Variants in FHIT observed in about 807,000 individuals in gnomAD.
The protein encoded by FHIT is bis(5'-adenosyl)-triphosphatase.
In FHIT, 19 loss-of-function variants were observed where a neutral mutation model predicts 17.9. The observed-to-expected ratio is 1.06, with a 90% CI of 0.74 to 1.56. The LOEUF is 1.56. FHIT is among the 40% of genes most tolerant of loss of function. The probability of loss-of-function intolerance (pLI) is 0.00; values close to 1 mark genes in which losing one functional copy is unlikely to be tolerated. For synonymous variants in FHIT, 81 were observed against 69.7 expected (o/e 1.16, Z -0.81); for missense variants, 248 against 189.2 (o/e 1.31, Z -1.82).
chr3:60,344,804 C>T (rs1302618358), intron 5 of FHIT, among the ~76,000 whole-genome samples: 1 of 152,082 alleles, frequency 6.6e-6, no homozygotes, highest in Non-Finnish European at 1.5e-5. Flanking sequence ...GGTATCAAAT[C>T]AGTCCATCAC....
chr3:59,930,990 T>C (rs1235834074), intron 7 of FHIT, among the ~76,000 whole-genome samples: 2 of 152,202 alleles, frequency 1.3e-5, no homozygotes, highest in African/African-American at 2.4e-5. Flanking sequence ...ACCTATTCTT[T>C]TGACTGAGTC....
chr3:60,684,037 C>T (rs1161626037), intron 4 of FHIT, among the ~76,000 whole-genome samples: 2 of 152,118 alleles, frequency 1.3e-5, no homozygotes, highest in African/African-American at 4.8e-5. Flanking sequence ...CAGATGAGGG[C>T]ACTGAGATTC....
At chr3:60,840,044 A>C (rs1553744674) in intron 3 of FHIT, among the ~76,000 whole-genome samples, 1 of 151,958 alleles carries the variant, frequency 6.6e-6, no homozygotes, top group Non-Finnish European at 1.5e-5. Context: ...CTCCGTGAGG[A>C]GCTCTCTAGC....
intron 3 of FHIT, among the ~76,000 whole-genome samples, 169 bp downstream of exon 3, chr3:61,041,878 G>C (rs2033534810): frequency 6.6e-6 from 1 of 152,182 alleles, no homozygotes; most frequent in Non-Finnish European, 1.5e-5. Flanking sequence ...TGTAGTTCTT[G>C]AAAGTATAGT....
At chr3:60,441,760 A>ATT (rs2030856493) in intron 5 of FHIT, among the ~76,000 whole-genome samples, 2 of 73,452 alleles carry the variant, frequency 2.7e-5, no homozygotes, top group African/African-American at 4.8e-5. Context: ...ATATAAAAAT[A>ATT]TATATATATT....
At chr3:60,610,257 C>G (rs1229477828) in intron 4 of FHIT, among the ~76,000 whole-genome samples, 1 of 152,122 alleles carries the variant, frequency 6.6e-6, no homozygotes, top group African/African-American at 2.4e-5. Flanking sequence ...GATGTACCCA[C>G]CTTCATTTGC....
chr3:60,008,887 A>G (rs1052938115), intron 7 of FHIT, among the ~76,000 whole-genome samples: 2 of 152,224 alleles, frequency 1.3e-5, no homozygotes, highest in Non-Finnish European at 1.5e-5. Flanking sequence ...TTGCCACTCA[A>G]TATTTTATCA....
At chr3:59,822,046 A>G (rs1332489700) in intron 8 of FHIT, among the ~76,000 whole-genome samples, 1 of 152,100 alleles carries the variant, frequency 6.6e-6, no homozygotes, top group Non-Finnish European at 1.5e-5. Context: ...GAGAACATAC[A>G]ATGTTTGGTT....
intron 4 of FHIT, among the ~76,000 whole-genome samples, chr3:60,762,652 C>T (rs1235790917): frequency 1.3e-5 from 2 of 152,190 alleles, no homozygotes; most frequent in Non-Finnish European, 2.9e-5. Flanking sequence ...TCAAACATAT[C>T]TGGATGTCAC....
At chr3:60,207,835 A>G (rs1703272290) in intron 5 of FHIT, among the ~76,000 whole-genome samples, 2 of 152,194 alleles carry the variant, frequency 1.3e-5, no homozygotes, top group Admixed American at 6.5e-5. Flanking sequence ...AGGACATGGT[A>G]GGGGTAATGT....
intron 5 of FHIT, among the ~76,000 whole-genome samples, chr3:60,448,340 A>C (rs1411907308): frequency 6.6e-6 from 1 of 152,188 alleles, no homozygotes; most frequent in African/African-American, 2.4e-5. Flanking sequence ...AAAATCACAC[A>C]AAAAAACTTA....
At chr3:61,243,795 C>A (rs1481885003) in intron 1 of FHIT, among the ~76,000 whole-genome samples, 1 of 151,842 alleles carries the variant, frequency 6.6e-6, no homozygotes, top group African/African-American at 2.4e-5. Context: ...TAAGGAAAAC[C>A]CTTAGACAAG....
At chr3:59,968,455 A>G (rs1000156851) in intron 7 of FHIT, among the ~76,000 whole-genome samples, 5 of 151,212 alleles carry the variant, frequency 3.3e-5, no homozygotes, top group African/African-American at 1.2e-4. Flanking sequence ...AAACAAAAAA[A>G]GACACAAAAA....
chr3:60,014,654 T>C (rs1700272970), intron 5 of FHIT, among the ~76,000 whole-genome samples: 1 of 152,234 alleles, frequency 6.6e-6, no homozygotes, highest in South Asian at 2.1e-4. Flanking sequence ...GATGTTTATT[T>C]TATTTTTAAA....
chr3:61,124,892 CA>C (rs1178222707), intron 2 of FHIT, among the ~76,000 whole-genome samples: 2 of 152,100 alleles, frequency 1.3e-5, no homozygotes, highest in African/African-American at 4.8e-5. Context: ...TGCCAGCTCC[CA>C]ACATGTCCCC....
At chr3:59,783,971 T>A (rs1211590161) in intron 8 of FHIT, among the ~76,000 whole-genome samples, 1 of 152,138 alleles carries the variant, frequency 6.6e-6, no homozygotes, top group Admixed American at 6.5e-5. Flanking sequence ...AAATAGGAAG[T>A]CAGAAGGGAA....
At chr3:59,980,448 G>A (rs4679624) in intron 7 of FHIT, among the ~76,000 whole-genome samples, 9,897 of 152,244 alleles carry the variant, frequency 0.065, 419 homozygotes, top group Admixed American at 0.11. Context: ...TTTAGCTATA[G>A]GTTGTTATAA....
chr3:61,196,513 G>A (rs1026576002), intron 2 of FHIT, among the ~76,000 whole-genome samples: 1 of 152,004 alleles, frequency 6.6e-6, no homozygotes, highest in Non-Finnish European at 1.5e-5. Context: ...CTTTTTACCT[G>A]GCACACTCTA....
chr3:60,759,834 C>T (rs1456313069), intron 4 of FHIT, among the ~76,000 whole-genome samples: 4 of 152,158 alleles, frequency 2.6e-5, no homozygotes, highest in African/African-American at 9.7e-5. Context: ...GTGCAGGCAA[C>T]TCCTCTGATG....
Sources: gnomAD v4.1 joint callset for allele counts (sites outside exome capture counted in the v4.1 genomes callset) on GRCh38, gnomAD v4.1.1 for gene constraint, MANE v1.5 for transcripts, NCBI Gene and HGNC (gene_info 2026-07-23, HGNC 2026-07-21) for gene names.